Variants in NAV2 observed in about 807,000 individuals in gnomAD.
The protein encoded by NAV2 is helicase, APC down-regulated 1.
Under a neutral mutation model 223.2 loss-of-function variants are expected in NAV2, and 54 were observed. The observed-to-expected ratio is 0.24, with a 90% CI of 0.19 to 0.30. The LOEUF is 0.30. Among genes scored for constraint, NAV2 ranks in the 10% least tolerant of loss-of-function variants. The pLI is 1.00. For synonymous variants in NAV2, 1,279 were observed against 1,239.3 expected, an observed-to-expected ratio of 1.03 and a Z score of -0.67; for missense variants, 2,806 against 3,147.5, an observed-to-expected ratio of 0.89 and a Z score of 2.60.
chr11:20,116,289 C>T (rs139705152), intron 37 of NAV2, among the ~76,000 whole-genome samples: 10 of 152,204 alleles, frequency 6.6e-5, no homozygotes, highest in South Asian at 2.1e-4. Context: ...TATTAATAGG[C>T]GATTCAGGTT....
At chr11:19,589,768 C>G (rs760236815) in intron 1 of NAV2, among the ~76,000 whole-genome samples, 1 of 152,146 alleles carries the variant, frequency 6.6e-6, no homozygotes, top group African/African-American at 2.4e-5. Context: ...CTGCTCCCAG[C>G]GTGGGAGCAC....
chr11:20,094,430 A>G (rs960762838), intron 29 of NAV2, among the ~76,000 whole-genome samples: 2 of 151,874 alleles, frequency 1.3e-5, no homozygotes, highest in Admixed American at 6.6e-5. Context: ...GGGTTTCACC[A>G]TATTGGCCAG....
rs145882909 is a variant in NAV2, at chr11:19,879,985, G to T, written c.628G>T (p.Val210Leu). 2 of 1,613,596 alleles carry T rather than the reference G, an allele frequency of 1.2e-6. No individual in the cohort carries two copies. The highest frequency in any genetic ancestry group is 1.3e-5 in the African/African-American group (1 of 74,900). Residue 210 changes from valine (V) to leucine (L), a missense_variant, in exon 5 of 38, where the codon GTA becomes TTA. Coordinates refer to ENST00000349880, the MANE Select transcript of NAV2 (RefSeq NM_145117.5). ...CCTCTCCTCACCTCTGCCGCCCGCC[G>T]TATCCCAGGTGGCCGGGGCCCCCTC... is the stretch of plus-strand genomic sequence containing the variant. ...QHLSSPLPPA[V>L]SQVAGAPSQC... is the part of the protein sequence containing the mutation.
At chr11:19,388,284 C>G (rs954880080) in intron 1 of NAV2, among the ~76,000 whole-genome samples, 41 of 152,142 alleles carry the variant, frequency 2.7e-4, no homozygotes, top group Middle Eastern at 3.2e-3. Flanking sequence ...CCTTGCAAAC[C>G]CATCGCTCAT....
intron 1 of NAV2, among the ~76,000 whole-genome samples, chr11:19,474,561 G>T (rs904278930): frequency 1.3e-5 from 2 of 152,232 alleles, no homozygotes; most frequent in Non-Finnish European, 2.9e-5. Context: ...GGACAGGAGA[G>T]CATGTGAGGC....
At chr11:19,599,128 T>A (rs1192621539) in intron 1 of NAV2, among the ~76,000 whole-genome samples, 2 of 152,216 alleles carry the variant, frequency 1.3e-5, no homozygotes, top group African/African-American at 4.8e-5. Context: ...CCAGCGTTGG[T>A]CCTTTTCAAT....
At chr11:19,915,542 A>G (rs1376697412) in intron 6 of NAV2, among the ~76,000 whole-genome samples, 1 of 152,230 alleles carries the variant, frequency 6.6e-6, no homozygotes. Context: ...GGCCTCTGCC[A>G]CTGCAGCTCT....
chr11:19,955,591 G>C (rs1177512275), intron 10 of NAV2, among the ~76,000 whole-genome samples: 1 of 152,152 alleles, frequency 6.6e-6, no homozygotes, highest in African/African-American at 2.4e-5. Flanking sequence ...AAGAAAAAGA[G>C]AGAACTAGGG....
chr11:20,025,831 T>C (rs979924633), intron 11 of NAV2, among the ~76,000 whole-genome samples: 20 of 152,210 alleles, frequency 1.3e-4, no homozygotes, highest in African/African-American at 4.8e-4. Context: ...GTTCTTACAC[T>C]AGAACTTAAT....
chr11:19,548,539 A>G (rs528675579), intron 1 of NAV2, among the ~76,000 whole-genome samples: 34 of 152,214 alleles, frequency 2.2e-4, no homozygotes, highest in African/African-American at 6.0e-4. Context: ...TGTGCCCTTG[A>G]CCAATGTCCT....
At position 19,554,792 on chromosome 11, in the gene NAV2, C is replaced by A. The variant is rs1467373613; in HGVS notation, c.75+203765C>A. 3.3e-5 allele frequency among the ~76,000 whole-genome samples: 5 copies of A among 151,966 alleles called. No individual in the cohort carries two copies. The South Asian group carries it at 1.0e-3, about 32-fold the overall frequency. ...GACCAGCCTGACCAACATGGAGAAA[C>A]CCCGTCTCTACTAAAAATACAAAAT... On this transcript the variant is annotated intron_variant, in intron 1 of 37. Transcript: ENST00000360655.
At chr11:20,112,313 C>T (rs1433643918) in intron 36 of NAV2, among the ~76,000 whole-genome samples, 1 of 152,178 alleles carries the variant, frequency 6.6e-6, no homozygotes, top group Non-Finnish European at 1.5e-5. Context: ...GAGACTCACT[C>T]CTGCCCCAGG....
chr11:19,653,736 T>C (rs1008849317), intron 1 of NAV2, among the ~76,000 whole-genome samples: 1 of 152,232 alleles, frequency 6.6e-6, no homozygotes, highest in African/African-American at 2.4e-5. Context: ...GGATGTGAGA[T>C]AGTGAACAAC....
chr11:19,373,922 CT>C (rs911460751), intron 1 of NAV2, among the ~76,000 whole-genome samples: 9 of 152,114 alleles, frequency 5.9e-5, no homozygotes, highest in African/African-American at 1.9e-4. Flanking sequence ...ATATCACCTG[CT>C]TTTTTCCCCC....
chr11:19,917,366 A>G (rs2043894092), intron 6 of NAV2, among the ~76,000 whole-genome samples: 1 of 152,094 alleles, frequency 6.6e-6, no homozygotes, highest in East Asian at 1.9e-4. Flanking sequence ...TGTCACAGGG[A>G]GGGAAATATT....
intron 11 of NAV2, among the ~76,000 whole-genome samples, chr11:20,012,481 C>G (rs1314808479): frequency 6.6e-6 from 1 of 152,074 alleles, no homozygotes; most frequent in Non-Finnish European, 1.5e-5. Flanking sequence ...TCAAGACTAG[C>G]CTGGCCAACA....
At position 20,012,694 on chromosome 11, in the gene NAV2, A is replaced by G. The variant is rs201035989; in HGVS notation, c.2769-23265A>G. ...CATCTCAAAAAAAAAAAAAAAAAGA[A>G]GGGGGAAAAGAGCGACCAGGGGATA... On this transcript the variant is annotated intron_variant, in intron 11 of 37. Transcript: ENST00000349880. Among the ~76,000 whole-genome samples the G allele has an allele frequency of 7.8e-4, 114 of 147,012 alleles. 3 individuals carry two copies. Among genetic ancestry groups the G allele is most frequent in the South Asian group, 3.8e-3 (18 of 4,716 alleles).
At chr11:20,099,052 G>A (rs1012439945) in intron 31 of NAV2, among the ~76,000 whole-genome samples, 2 of 152,210 alleles carry the variant, frequency 1.3e-5, no homozygotes, top group Non-Finnish European at 2.9e-5. Flanking sequence ...GCCCACTATA[G>A]GTCAAATGCC....
At chr11:19,442,276 G>A (rs1293550766) in intron 1 of NAV2, among the ~76,000 whole-genome samples, 3 of 152,278 alleles carry the variant, frequency 2.0e-5, no homozygotes, top group Non-Finnish European at 4.4e-5. Context: ...CCTGGCAAGA[G>A]GCTGGGCCTC....
Sources: allele counts gnomAD v4.1 joint callset (sites outside exome capture counted in the v4.1 genomes callset), GRCh38; gene constraint gnomAD v4.1.1; transcripts MANE v1.5; gene names NCBI Gene and HGNC (gene_info 2026-07-23, HGNC 2026-07-21).